GLRA2: variants seen among roughly 807,000 people sequenced by gnomAD.
The protein encoded by GLRA2 is glycine receptor alpha 2.
Under a neutral mutation model 31.6 loss-of-function variants are expected in GLRA2, and 11 were observed. The ratio of observed to expected loss-of-function variants is 0.35; its 90% CI spans 0.22 to 0.58. The LOEUF (loss-of-function observed/expected upper bound fraction) is 0.58, where lower values mean the gene tolerates loss of function less well. GLRA2 is among the 20% of genes least tolerant of loss of function. The probability of loss-of-function intolerance (pLI) is 0.84; values close to 1 mark genes in which losing one functional copy is unlikely to be tolerated. For missense variants in GLRA2, 212 were observed against 351.8 expected (o/e 0.60, Z 3.18); for synonymous variants, 132 against 134.0 (o/e 0.99, Z 0.10).
chrX:14,448,990 A>G, the GLRA2 span, among the ~76,000 whole-genome samples: 1 of 110,646 alleles, frequency 9.0e-6, no homozygotes, highest in Non-Finnish European at 1.9e-5. Flanking sequence ...TCACCTGCCT[A>G]CCCCGCCACC....
At chrX:14,568,587 G>A (rs1056492923) in intron 2 of GLRA2, among the ~76,000 whole-genome samples, 1 of 109,878 alleles carries the variant, frequency 9.1e-6, no homozygotes, top group Non-Finnish European at 1.9e-5. Flanking sequence ...CAGCTACTCG[G>A]GGGGCTGAGG....
chrX:14,458,430 C>A, the GLRA2 span, among the ~76,000 whole-genome samples: 3 of 111,827 alleles, frequency 2.7e-5, no homozygotes, highest in Admixed American at 2.8e-4. Flanking sequence ...AGTTCTAGAT[C>A]CCTGAGGAAT....
At chrX:14,701,819 A>G (rs1166116713) in intron 8 of GLRA2, among the ~76,000 whole-genome samples, 1 of 112,342 alleles carries the variant, frequency 8.9e-6, no homozygotes, top group African/African-American at 3.2e-5. Flanking sequence ...TGCTTTACAG[A>G]TTTTTTGAAG....
chrX:14,677,664 T>G (rs762298484), intron 7 of GLRA2, among the ~76,000 whole-genome samples: 4 of 111,944 alleles, frequency 3.6e-5, no homozygotes, highest in African/African-American at 6.5e-5. Flanking sequence ...CATTTGGGAC[T>G]GGGTAATTAT....
At chrX:14,554,446 T>C (rs2089613857) in intron 2 of GLRA2, among the ~76,000 whole-genome samples, 1 of 111,322 alleles carries the variant, frequency 9.0e-6, no homozygotes, top group Non-Finnish European at 1.9e-5. Context: ...CATGGTGCTT[T>C]AAGATCTCTT....
chrX:14,457,764 G>C, the GLRA2 span, among the ~76,000 whole-genome samples: 1 of 111,318 alleles, frequency 9.0e-6, no homozygotes, highest in South Asian at 3.8e-4. Context: ...AGATCCTTGA[G>C]GAATCCCCAC....
intron 7 of GLRA2, among the ~76,000 whole-genome samples, chrX:14,670,010 G>A (rs1029916743): frequency 7.1e-5 from 8 of 111,958 alleles, no homozygotes; most frequent in African/African-American, 9.8e-5. Context: ...TAACCACACC[G>A]AAGTCACCTC....
At chrX:14,718,051 A>T (rs1197665024) in intron 8 of GLRA2, among the ~76,000 whole-genome samples, 1 of 110,878 alleles carries the variant, frequency 9.0e-6, no homozygotes. Flanking sequence ...TTTTTCAAGC[A>T]GAAGTTACAT....
At chrX:14,705,788 G>T (rs1422404646) in intron 8 of GLRA2, among the ~76,000 whole-genome samples, 1 of 111,749 alleles carries the variant, frequency 8.9e-6, no homozygotes, top group Non-Finnish European at 1.9e-5. Context: ...TAATGAACAG[G>T]GGCATGAATT....
At chrX:14,729,545 T>C (rs1244235638) in intron 8 of GLRA2, among the ~76,000 whole-genome samples, 1 of 111,723 alleles carries the variant, frequency 9.0e-6, no homozygotes, top group Admixed American at 9.5e-5. Flanking sequence ...TTAAATATGG[T>C]AGAAATGATT....
chrX:14,712,756 T>G (rs2091730974), intron 8 of GLRA2, among the ~76,000 whole-genome samples: 1 of 110,934 alleles, frequency 9.0e-6, no homozygotes, highest in Non-Finnish European at 1.9e-5. Flanking sequence ...GAAAACCAAG[T>G]GTTCACAGAA....
the GLRA2 span, among the ~76,000 whole-genome samples, chrX:14,505,725 C>T: frequency 1.8e-5 from 2 of 111,562 alleles, no homozygotes; most frequent in African/African-American, 6.5e-5. Context: ...AGCAGCAGAA[C>T]ATTTTTTTCA....
At chrX:14,556,443 CTCTT>C (rs1398549315) in intron 2 of GLRA2, among the ~76,000 whole-genome samples, 4 of 111,867 alleles carry the variant, frequency 3.6e-5, no homozygotes, top group Non-Finnish European at 7.5e-5. Context: ...GGCTAAATGG[CTCTT>C]TATTTATTAT....
intron 2 of GLRA2, among the ~76,000 whole-genome samples, chrX:14,533,424 C>T (rs1331634977): frequency 9.2e-6 from 1 of 108,520 alleles, no homozygotes; most frequent in African/African-American, 3.3e-5. Context: ...CAGGTATGGG[C>T]ATATTTTATA....
At chrX:14,501,140 C>T in the GLRA2 span, among the ~76,000 whole-genome samples, 1 of 110,320 alleles carries the variant, frequency 9.1e-6, no homozygotes, top group South Asian at 3.9e-4. Flanking sequence ...CCAGAATCTC[C>T]CTCTCAGCAT....
chrX:14,501,986 T>C, the GLRA2 span, among the ~76,000 whole-genome samples: 1 of 111,515 alleles, frequency 9.0e-6, no homozygotes, highest in South Asian at 3.8e-4. Flanking sequence ...TCTTTTCTTA[T>C]AAGGATACCT....
intron 2 of GLRA2, among the ~76,000 whole-genome samples, chrX:14,545,662 G>A (rs1337458415): frequency 1.8e-5 from 2 of 111,658 alleles, no homozygotes; most frequent in Admixed American, 9.5e-5. Context: ...CTTACTTTGA[G>A]TTCAAATTTT....
chrX:14,563,130 A>G (rs750635882), intron 2 of GLRA2, among the ~76,000 whole-genome samples: 3 of 112,547 alleles, frequency 2.7e-5, no homozygotes, highest in Non-Finnish European at 5.6e-5. Context: ...TCAGGGAAAT[A>G]TGTGTGCTCA....
intron 7 of GLRA2, among the ~76,000 whole-genome samples, chrX:14,682,928 AT>A (rs919901045): frequency 5.4e-5 from 6 of 111,105 alleles, no homozygotes; most frequent in African/African-American, 2.0e-4. Context: ...TATATGCCAC[AT>A]TTTCTTAATC....
Sources: allele counts gnomAD v4.1 joint callset (sites outside exome capture counted in the v4.1 genomes callset), GRCh38; gene constraint gnomAD v4.1.1; transcripts MANE v1.5; gene names NCBI Gene and HGNC (gene_info 2026-07-23, HGNC 2026-07-21).